The following BRD10 variants were observed in gnomAD, a reference collection of about 807,000 sequenced individuals.
BRD10 encodes the protein bromodomain containing 10, also known as uncharacterized bromodomain-containing protein 10.
At chr9:6,001,298 T>G in the BRD10 span, among the ~76,000 whole-genome samples, 4 of 152,134 alleles carry the variant, frequency 2.6e-5, no homozygotes, top group Non-Finnish European at 5.9e-5. Flanking sequence ...AAAATACTAC[T>G]AGTAAAATCT....
At chr9:5,926,561 T>C in the BRD10 span, among the ~76,000 whole-genome samples, 6 of 152,264 alleles carry the variant, frequency 3.9e-5, no homozygotes, top group Admixed American at 3.9e-4. Context: ...AGACGGAGTC[T>C]CACTCTGTTG....
At chr9:5,981,811 T>C in the BRD10 span, among the ~76,000 whole-genome samples, 1 of 152,172 alleles carries the variant, frequency 6.6e-6, no homozygotes. Flanking sequence ...TACATAGTTA[T>C]TATATAAGGC....
the BRD10 span, among the ~76,000 whole-genome samples, chr9:5,899,581 A>G: frequency 6.6e-6 from 1 of 152,208 alleles, no homozygotes; most frequent in African/African-American, 2.4e-5. Context: ...CTTGGGTTAG[A>G]AAGTTAGGGA....
At chr9:5,935,994 G>A in the BRD10 span, among the ~76,000 whole-genome samples, 6 of 152,058 alleles carry the variant, frequency 3.9e-5, no homozygotes, top group African/African-American at 1.2e-4. Flanking sequence ...CATTATGAAC[G>A]AGTTATTTTG....
chr9:5,925,777 G>C, the BRD10 span, among the ~76,000 whole-genome samples: 3 of 152,232 alleles, frequency 2.0e-5, no homozygotes, highest in African/African-American at 7.2e-5. Context: ...CTTTATTTCT[G>C]AGAAACTAGA....
the BRD10 span, among the ~76,000 whole-genome samples, chr9:6,007,005 CG>C: frequency 2.2e-3 from 330 of 152,328 alleles, no homozygotes; most frequent in Non-Finnish European, 3.5e-3. Flanking sequence ...ACGCGCAAGC[CG>C]GGTTCGGCCC....
At chr9:5,969,348 G>T in the BRD10 span, 1 of 1,612,618 alleles carries the variant, frequency 6.2e-7, no homozygotes, top group East Asian at 2.2e-5. Flanking sequence ...ATACAAGTTG[G>T]AGCTGCTTGA....
the BRD10 span, among the ~76,000 whole-genome samples, chr9:5,958,218 A>G: frequency 3.3e-5 from 5 of 152,176 alleles, no homozygotes; most frequent in Admixed American, 3.3e-4. Flanking sequence ...CAACTTAAGA[A>G]AAGAATGCCC....
the BRD10 span, among the ~76,000 whole-genome samples, chr9:5,956,101 C>T: frequency 3.9e-4 from 60 of 152,182 alleles, no homozygotes; most frequent in East Asian, 6.9e-3. Context: ...AACCTCTCCC[C>T]ACCAGCCCTA....
chr9:5,978,899 T>C, the BRD10 span, among the ~76,000 whole-genome samples: 1 of 152,344 alleles, frequency 6.6e-6, no homozygotes, highest in African/African-American at 2.4e-5. Context: ...TACCTCTACC[T>C]TACCTGTGAG....
the BRD10 span, among the ~76,000 whole-genome samples, chr9:5,907,555 T>C: frequency 1.3e-5 from 2 of 152,236 alleles, no homozygotes; most frequent in African/African-American, 4.8e-5. Context: ...GATTTTTATA[T>C]TGATTCACCT....
chr9:5,905,266 C>T, the BRD10 span, among the ~76,000 whole-genome samples: 5 of 152,118 alleles, frequency 3.3e-5, no homozygotes, highest in Non-Finnish European at 5.9e-5. Flanking sequence ...GAATGGACCC[C>T]CTCTTCACCA....
At chr9:5,985,676 T>A in the BRD10 span, among the ~76,000 whole-genome samples, 1 of 151,966 alleles carries the variant, frequency 6.6e-6, no homozygotes, top group Non-Finnish European at 1.5e-5. Flanking sequence ...TCCCAGCTAC[T>A]CAGGAGGCTG....
chr9:5,892,528 C>G, the BRD10 span: 1 of 1,613,630 alleles, frequency 6.2e-7, no homozygotes, highest in Non-Finnish European at 8.5e-7. Context: ...AGGGGCACGG[C>G]CACTCTTACA....
At chr9:5,969,582 C>T in the BRD10 span, 3 of 635,518 alleles carry the variant, frequency 4.7e-6, no homozygotes, top group South Asian at 7.1e-5. Flanking sequence ...CTCGCTCTGT[C>T]CCCCAGGCTG....
chr9:5,992,757 T>A, the BRD10 span, among the ~76,000 whole-genome samples: 56 of 152,264 alleles, frequency 3.7e-4, no homozygotes, highest in African/African-American at 1.1e-3. Context: ...GTCTTTTCTG[T>A]GTTAATACAT....
the BRD10 span, among the ~76,000 whole-genome samples, chr9:5,951,749 T>G: frequency 6.6e-6 from 1 of 152,138 alleles, no homozygotes; most frequent in Non-Finnish European, 1.5e-5. Flanking sequence ...AGTTTTGCAT[T>G]TAACAGCAAA....
chr9:5,967,844 G>A, the BRD10 span, among the ~76,000 whole-genome samples: 1 of 152,074 alleles, frequency 6.6e-6, no homozygotes, highest in Non-Finnish European at 1.5e-5. Flanking sequence ...TATATAAAAT[G>A]TCATCTGCTC....
chr9:5,962,158 T>C, the BRD10 span, among the ~76,000 whole-genome samples: 1 of 152,080 alleles, frequency 6.6e-6, no homozygotes, highest in Non-Finnish European at 1.5e-5. Context: ...GATAGACCGC[T>C]AGCAAGACTA....
Sources: gnomAD v4.1 joint callset for allele counts (sites outside exome capture counted in the v4.1 genomes callset) on GRCh38, gnomAD v4.1.1 for gene constraint, MANE v1.5 for transcripts, NCBI Gene and HGNC (gene_info 2026-07-23, HGNC 2026-07-21) for gene names.